TBC1D2B: variants seen among roughly 807,000 people sequenced by gnomAD.
TBC1D2B encodes TBC1 domain family, member 2B.
TBC1D2B carries 64 observed loss-of-function variants against 100.8 expected under a neutral mutation model. The observed-to-expected ratio is 0.64, with a 90% CI of 0.52 to 0.78. The LOEUF is 0.78. TBC1D2B is among the 30% of genes least tolerant of loss of function. TBC1D2B has a pLI of 0.00. For missense variants in TBC1D2B, 1,052 were observed against 1,218.4 expected (o/e 0.86, Z 2.03); for synonymous variants, 480 against 479.7 (o/e 1.00, Z -0.01).
chr15:78,077,334 G>C lies in TBC1D2B; in HGVS notation c.319C>G (p.His107Asp). Residue 107 changes from histidine (H) to aspartate (D), a missense_variant, in exon 1 of 13, where the codon CAC becomes GAC. Physicochemically the swap from His to Asp is moderately conservative, Grantham distance 81. Around this residue, in one of 4 missense-constraint regions of TBC1D2B, gnomAD observed 627 missense variants for 646.1 expected, o/e 0.97. Coordinates refer to ENST00000300584, the MANE Select transcript of TBC1D2B (RefSeq NM_144572.2). ...GCTCCCGCGCTGTGCACCTGGAAGT[G>C]CGCGGGCGGCTCCGTGCCCGGCTCC... ...AAEPGTEPPAHFQVHSAGAVT... is the reference protein window; with the variant it reads ...AAEPGTEPPADFQVHSAGAVT... 1 of 1,536,892 alleles carries C rather than the reference G, an allele frequency of 6.5e-7. No individual in the cohort carries two copies. The highest frequency in any genetic ancestry group is 8.8e-7 in the Non-Finnish European group (1 of 1,142,330).
chr15:78,053,878 TG>T (rs2073365759), intron 2 of TBC1D2B, 155 bp downstream of exon 2: 5 of 854,374 alleles, frequency 5.9e-6, no homozygotes, highest in Non-Finnish European at 5.3e-6. Flanking sequence ...GCTTTGTACA[TG>T]GAGGCGCTGG....
chr15:78,044,789 A>G, intron 3 of TBC1D2B, 111 bp downstream of exon 3: 1 of 981,958 alleles, frequency 1.0e-6, no homozygotes, highest in South Asian at 1.8e-5. Context: ...TGTAAACAAC[A>G]AAGGCCTTTG....
intron 10 of TBC1D2B, among the ~76,000 whole-genome samples, chr15:78,004,758 AAAC>A (rs2072021875): frequency 2.0e-5 from 3 of 152,242 alleles, no homozygotes; most frequent in Non-Finnish European, 1.5e-5. Flanking sequence ...ATAGTGTAAA[AAAC>A]AACTATAGTC....
chr15:78,016,555 T>C lies in TBC1D2B; in HGVS notation c.1766A>G (p.His589Arg), dbSNP rs1160808781. Residue 589 changes from histidine (H) to arginine (R), a missense_variant, in exon 8 of 13, where the codon CAT becomes CGT. His to Arg is a conservative substitution (Grantham distance 29, BLOSUM62 0). Coordinates refer to ENST00000300584, the MANE Select transcript of TBC1D2B (RefSeq NM_144572.2). Reference protein sequence around the residue: ...EQPEQAFVKPHLVSEYDIYGF... With the variant: ...EQPEQAFVKPRLVSEYDIYGF... ...TCACTAGCACATTTACCTGACAAGA[T>C]GAGGTTTAACAAATGCTTGCTCCGG... is the stretch of plus-strand genomic sequence containing the variant. The C allele has an allele frequency of 1.9e-6, 3 of 1,611,954 alleles. No individual in the cohort carries two copies. Among genetic ancestry groups the C allele is most frequent in the Admixed American group, 3.3e-5 (2 of 59,942 alleles).
intron 11 of TBC1D2B, chr15:78,002,554 GC>G (rs1445032173): frequency 3.3e-5 from 5 of 151,108 alleles, no homozygotes; most frequent in Non-Finnish European, 1.5e-5. Context: ...TGGTAGTCTT[GC>G]AAGTTCAAGC....
intron 2 of TBC1D2B, among the ~76,000 whole-genome samples, chr15:78,048,515 A>G (rs1035914693): frequency 6.6e-6 from 1 of 152,238 alleles, no homozygotes; most frequent in African/African-American, 2.4e-5. Flanking sequence ...GTGGGGAAAG[A>G]AAGTCTGTGC....
chr15:78,031,256 C>T (rs1305738934), intron 3 of TBC1D2B, among the ~76,000 whole-genome samples: 2 of 152,020 alleles, frequency 1.3e-5, no homozygotes, highest in Admixed American at 1.3e-4. Flanking sequence ...AGAATAGGAT[C>T]AAGAAGAGAG....
intron 12 of TBC1D2B, among the ~76,000 whole-genome samples, chr15:78,000,921 T>C (rs1371479002): frequency 6.6e-6 from 1 of 152,124 alleles, no homozygotes; most frequent in Non-Finnish European, 1.5e-5. Context: ...CCTAGAGCCC[T>C]CTAACAGCCA....
chr15:78,034,988 G>A (rs2072912683), intron 3 of TBC1D2B, among the ~76,000 whole-genome samples: 1 of 150,720 alleles, frequency 6.6e-6, no homozygotes, highest in Non-Finnish European at 1.5e-5. Flanking sequence ...TTTAAATGGA[G>A]GCGTTTTTTT....
intron 1 of TBC1D2B, among the ~76,000 whole-genome samples, chr15:78,060,917 CAAAAT>C (rs1169391199): frequency 6.6e-6 from 1 of 151,680 alleles, no homozygotes; most frequent in Non-Finnish European, 1.5e-5. Flanking sequence ...AACTCTGTCT[CAAAAT>C]GAAATCAGAA....
At chr15:78,056,916 G>A (rs2073437137) in intron 1 of TBC1D2B, among the ~76,000 whole-genome samples, 3 of 152,080 alleles carry the variant, frequency 2.0e-5, no homozygotes. Flanking sequence ...GGTGAGCTAA[G>A]CACCCTGGGA....
chr15:78,077,633 C>A lies in TBC1D2B; in HGVS notation c.20G>T (p.Arg7Leu). Residue 7 changes from arginine to leucine, a missense_variant, in exon 1 of 13, where the codon CGG becomes CTG. Arg to Leu is a moderately radical substitution (Grantham distance 102, BLOSUM62 -2). This residue lies in a region of TBC1D2B where 627 missense variants were observed against 646.1 expected (regional missense o/e 0.97). Coordinates refer to ENST00000300584, the MANE Select transcript of TBC1D2B (RefSeq NM_144572.2). MPGAGA[R>L]AEEGGGGGEG... The stretch of plus-strand genomic sequence containing the variant: ...GCCGCCGCCGCCGCCCTCCTCCGCC[C>A]GGGCTCCGGCCCCCGGCATCGCTAC... 2.0e-6 allele frequency: 2 copies of A among 996,666 alleles called. No homozygotes were observed. The highest frequency in any genetic ancestry group is 2.4e-6 in the Non-Finnish European group (2 of 837,988). 61.7% of individuals were successfully genotyped at this position (996,666 alleles called of 1,614,324 possible).
At chr15:78,039,500 G>A (rs1370876914) in intron 3 of TBC1D2B, among the ~76,000 whole-genome samples, 1 of 152,110 alleles carries the variant, frequency 6.6e-6, no homozygotes, top group African/African-American at 2.4e-5. Flanking sequence ...CTGGAAGGAT[G>A]AGCACACCTT....
chr15:78,053,985 A>G, intron 2 of TBC1D2B, 49 bp downstream of exon 2: 1 of 1,557,436 alleles, frequency 6.4e-7, no homozygotes, highest in Non-Finnish European at 8.7e-7. Flanking sequence ...TGTGGTATCG[A>G]ATGGCTTACA....
chr15:78,023,091 C>G (rs189002012), intron 6 of TBC1D2B, among the ~76,000 whole-genome samples: 1 of 152,194 alleles, frequency 6.6e-6, no homozygotes, highest in African/African-American at 2.4e-5. Context: ...CATTCCCTCA[C>G]TCAATGCATC....
At chr15:78,041,569 G>A (rs889773844) in intron 3 of TBC1D2B, among the ~76,000 whole-genome samples, 4 of 152,166 alleles carry the variant, frequency 2.6e-5, no homozygotes, top group Admixed American at 2.6e-4. Context: ...CATTTTGAGT[G>A]CATTAAAAAA....
At chr15:78,074,371 T>C (rs2073794499) in intron 1 of TBC1D2B, among the ~76,000 whole-genome samples, 1 of 152,226 alleles carries the variant, frequency 6.6e-6, no homozygotes, top group Admixed American at 6.5e-5. Context: ...ATTCCCATTG[T>C]TGTATACAGC....
At chr15:78,034,459 G>T (rs1343756698) in intron 3 of TBC1D2B, 9 of 982,142 alleles carry the variant, frequency 9.2e-6, no homozygotes, top group Admixed American at 6.2e-5. Context: ...AATTTTAGGA[G>T]TTAAATTCTC....
chr15:78,020,773 G>A (rs1332324754), intron 6 of TBC1D2B, among the ~76,000 whole-genome samples: 1 of 152,198 alleles, frequency 6.6e-6, no homozygotes, highest in Non-Finnish European at 1.5e-5. Context: ...GTGAGGCCCA[G>A]GAGTGCAGTG....
Sources: gnomAD v4.1 joint callset for allele counts (sites outside exome capture counted in the v4.1 genomes callset) on GRCh38, gnomAD v4.1.1 for gene constraint, gnomAD v4.1.1 regional missense constraint, MANE v1.5 for transcripts, NCBI Gene and HGNC (gene_info 2026-07-23, HGNC 2026-07-21) for gene names.